KDM4C: variants seen among roughly 807,000 people sequenced by gnomAD.
KDM4C encodes the protein lysine-specific demethylase 4C.
KDM4C carries 81 observed loss-of-function variants against 129.3 expected under a neutral mutation model. The ratio of observed to expected loss-of-function variants is 0.63; its 90% CI spans 0.52 to 0.75. The LOEUF is 0.75. Ranked by LOEUF, KDM4C falls within the 30% of genes least tolerant of loss-of-function variation. The probability of loss-of-function intolerance (pLI) is 0.00; values close to 1 mark genes in which losing one functional copy is unlikely to be tolerated. For missense variants in KDM4C, 1,457 were observed against 1,304.0 expected, an observed-to-expected ratio of 1.12 and a Z score of -1.81; for synonymous variants, 573 against 456.1, an observed-to-expected ratio of 1.26 and a Z score of -3.26.
At chr9:7,033,894 A>G (rs909278072) in intron 15 of KDM4C, among the ~76,000 whole-genome samples, 1 of 152,164 alleles carries the variant, frequency 6.6e-6, no homozygotes, top group Admixed American at 6.5e-5. Flanking sequence ...TGCAAGGCAC[A>G]TCTCTTTTGC....
intron 5 of KDM4C, among the ~76,000 whole-genome samples, chr9:6,863,811 A>AAG (rs200519981): frequency 4.7e-4 from 70 of 147,700 alleles, no homozygotes; most frequent in African/African-American, 1.4e-3. Context: ...AAAAAAAAAA[A>AAG]AGAGAGAGAG....
chr9:6,721,116 C>T (rs1482516540), intron 1 of KDM4C: 1 of 912,106 alleles, frequency 1.1e-6, no homozygotes, highest in African/African-American at 1.6e-5. Flanking sequence ...CTCTGTTGCC[C>T]AGGCTAGAGG....
chr9:7,142,137 A>C (rs1161949986), intron 19 of KDM4C, among the ~76,000 whole-genome samples: 1 of 152,232 alleles, frequency 6.6e-6, no homozygotes, highest in East Asian at 1.9e-4. Context: ...GATTACACAT[A>C]TGTAGACTTG....
At chr9:7,074,224 C>T (rs184318235) in intron 17 of KDM4C, among the ~76,000 whole-genome samples, 30 of 151,948 alleles carry the variant, frequency 2.0e-4, no homozygotes, top group African/African-American at 5.3e-4. Context: ...AGTGCAGTGG[C>T]GCGATCTCAG....
Position 6,765,054 on chromosome 9 carries a change from T to G in KDM4C, c.-18+6851T>G, listed in dbSNP as rs192736414. Reference sequence around the variant, plus strand: ...GGGGATCAATCCGCTTGTCTCCACCTCCAATGCATTATCCTACCATTCACT... The same window carrying G: ...GGGGATCAATCCGCTTGTCTCCACCGCCAATGCATTATCCTACCATTCACT... On this transcript the variant is annotated intron_variant, in intron 1 of 21. Coordinates refer to ENST00000381309, the MANE Select transcript of KDM4C (RefSeq NM_015061.6). Among the ~76,000 whole-genome samples, 466 of 152,294 alleles carry G rather than the reference T, an allele frequency of 3.1e-3. 3 individuals carry two copies. Among genetic ancestry groups the G allele is most frequent in the African/African-American group, 0.011 (447 of 41,562 alleles).
At chr9:6,748,302 G>A (rs1288513836) in intron 1 of KDM4C, among the ~76,000 whole-genome samples, 6 of 152,236 alleles carry the variant, frequency 3.9e-5, no homozygotes, top group Non-Finnish European at 8.8e-5. Context: ...GAGGTCGGGA[G>A]TTCAAGACCA....
At chr9:6,890,590 G>C (rs541352742) in intron 7 of KDM4C, among the ~76,000 whole-genome samples, 10 of 151,980 alleles carry the variant, frequency 6.6e-5, no homozygotes, top group African/African-American at 2.4e-4. Context: ...AATGACAGGG[G>C]CCTAAAATTC....
Position 6,906,566 on chromosome 9 carries a change from G to A in KDM4C, c.921+13334G>A, listed in dbSNP as rs1818359972. ...AGGTGCTCCCACCTCAGCCTCCTGA[G>A]TTGCTAGGACAACTACAGGCACATG... On this transcript the variant is annotated intron_variant, in intron 8 of 21. Transcript: ENST00000381309. Among the ~76,000 whole-genome samples the A allele has an allele frequency of 2.0e-5, 3 of 152,258 alleles. 1 individual carries two copies. In the Middle Eastern group the frequency reaches 0.01, roughly 518 times the overall value.
At chr9:6,961,112 T>C (rs1182144127) in intron 8 of KDM4C, among the ~76,000 whole-genome samples, 1 of 152,240 alleles carries the variant, frequency 6.6e-6, no homozygotes, top group East Asian at 1.9e-4. Flanking sequence ...AGTTTGTTTA[T>C]ATTATGTCAG....
At chr9:6,978,149 G>T (rs1203330274) in intron 8 of KDM4C, among the ~76,000 whole-genome samples, 2 of 152,114 alleles carry the variant, frequency 1.3e-5, no homozygotes, top group African/African-American at 4.8e-5. Flanking sequence ...CAGTTTTTCA[G>T]ATGGAGAAAC....
chr9:7,009,781 A>G (rs746836971), intron 12 of KDM4C, among the ~76,000 whole-genome samples: 11 of 152,214 alleles, frequency 7.2e-5, no homozygotes, highest in Non-Finnish European at 1.3e-4. Context: ...GTTATCTTTC[A>G]ATTCCACTTG....
chr9:7,166,168 T>G (rs1186114275), intron 20 of KDM4C, among the ~76,000 whole-genome samples: 3 of 151,886 alleles, frequency 2.0e-5, no homozygotes, highest in Non-Finnish European at 4.4e-5. Flanking sequence ...AACAAGAAGG[T>G]TGAAGTAAAA....
chr9:6,775,269 G>A (rs142638509), intron 1 of KDM4C, among the ~76,000 whole-genome samples: 4 of 151,896 alleles, frequency 2.6e-5, no homozygotes, highest in Non-Finnish European at 5.9e-5. Context: ...AGCCTGCCTC[G>A]GCCTCCCAAA....
rs748289106 is a variant in KDM4C at position 6,984,121 on chromosome 9, C to G, written c.1116-45C>G. 2.5e-6 allele frequency: 3 copies of G among 1,211,904 alleles called. No homozygotes were observed. The South Asian group carries it at 3.9e-5, about 16-fold the overall frequency. 75.1% of individuals were successfully genotyped at this position (1,211,904 alleles called of 1,614,324 possible). On this transcript the variant is annotated intron_variant, in intron 9 of 21. Transcript: ENST00000381309. The stretch of plus-strand genomic sequence containing the variant: ...TTATATTGGGATGTGTTTTTCATAT[C>G]CATTGCAGACATCCCGCTCTGACCA...
At chr9:6,919,658 C>G (rs565289249) in intron 8 of KDM4C, among the ~76,000 whole-genome samples, 3 of 151,888 alleles carry the variant, frequency 2.0e-5, no homozygotes, top group Admixed American at 2.0e-4. Context: ...TCCCTGCAAT[C>G]TCCGCCTCCC....
chr9:7,145,867 G>C (rs1202074976), intron 19 of KDM4C, among the ~76,000 whole-genome samples: 1 of 152,220 alleles, frequency 6.6e-6, no homozygotes, highest in Non-Finnish European at 1.5e-5. Flanking sequence ...TTAATAAACA[G>C]AAAGTGGTTC....
chr9:6,751,779 A>G (rs1414292757), intron 1 of KDM4C, among the ~76,000 whole-genome samples: 1 of 152,214 alleles, frequency 6.6e-6, no homozygotes, highest in Non-Finnish European at 1.5e-5. Context: ...TGCAGGCTGA[A>G]AATTGAGCTC....
In KDM4C at chr9:6,722,894, G is replaced by C. The variant is rs141366199; in HGVS notation, c.49+1897G>C. Among the ~76,000 whole-genome samples, 1,428 of 151,976 alleles carry C rather than the reference G, an allele frequency of 9.4e-3. 21 individuals are homozygous for C. The highest frequency in any genetic ancestry group is 0.033 in the African/African-American group (1,358 of 41,476). On this transcript the variant is annotated intron_variant, in intron 1 of 17. Coordinates refer to the KDM4C transcript ENST00000536108. ...GCTACTTGGAAGGCTGAGGTGGGAG[G>C]ATTGCGTGAGCCCAGGAGGTTGAGG...
chr9:7,130,844 G>A (rs972169236), intron 19 of KDM4C, among the ~76,000 whole-genome samples: 2 of 151,888 alleles, frequency 1.3e-5, no homozygotes, highest in Non-Finnish European at 2.9e-5. Context: ...CTGCAGCCTT[G>A]TGCTCCTGGG....
Sources: gnomAD v4.1 joint callset for allele counts (sites outside exome capture counted in the v4.1 genomes callset) on GRCh38, gnomAD v4.1.1 for gene constraint, MANE v1.5 for transcripts, NCBI Gene and HGNC (gene_info 2026-07-23, HGNC 2026-07-21) for gene names.